Variants in ADGRL3 observed in about 807,000 individuals in gnomAD.
ADGRL3 encodes the protein adhesion G protein-coupled receptor L3.
A neutral mutation model predicts 153.5 loss-of-function variants in ADGRL3; 62 were observed. The observed-to-expected ratio is 0.40, with a 90% confidence interval of 0.33 to 0.50. ADGRL3 has a LOEUF of 0.50. Ranked by LOEUF, ADGRL3 falls within the 20% of genes least tolerant of loss-of-function variation. The probability of loss-of-function intolerance (pLI) is 0.47; values close to 1 mark genes in which losing one functional copy is unlikely to be tolerated. For missense variants in ADGRL3, 1,641 were observed against 1,859.4 expected, an observed-to-expected ratio of 0.88 and a Z score of 2.16; for synonymous variants, 710 against 672.5, an observed-to-expected ratio of 1.06 and a Z score of -0.86.
chr4:61,337,794 A>G (rs1476618524), intron 1 of ADGRL3, among the ~76,000 whole-genome samples: 1 of 152,096 alleles, frequency 6.6e-6, no homozygotes, highest in African/African-American at 2.4e-5. Flanking sequence ...AGGCACATGA[A>G]TCTATTTATA....
intron 5 of ADGRL3, among the ~76,000 whole-genome samples, chr4:61,590,659 AT>A (rs922563610): frequency 1.4e-4 from 21 of 152,124 alleles, no homozygotes; most frequent in Non-Finnish European, 4.4e-5. Flanking sequence ...CAACTATACC[AT>A]TTGCTCAACA....
At chr4:61,559,306 A>G (rs954352632) in intron 4 of ADGRL3, among the ~76,000 whole-genome samples, 1 of 152,138 alleles carries the variant, frequency 6.6e-6, no homozygotes, top group African/African-American at 2.4e-5. Flanking sequence ...TTGTAGAGAA[A>G]TAACTCAGTG....
intron 19 of ADGRL3, among the ~76,000 whole-genome samples, chr4:61,986,898 T>G (rs982063523): frequency 6.6e-6 from 1 of 152,102 alleles, no homozygotes; most frequent in East Asian, 1.9e-4. Context: ...GAAGCAGATA[T>G]TGAAAAGAGA....
At chr4:61,338,044 C>T (rs1205244777) in intron 1 of ADGRL3, among the ~76,000 whole-genome samples, 3 of 152,056 alleles carry the variant, frequency 2.0e-5, no homozygotes, top group African/African-American at 4.8e-5. Flanking sequence ...GCAGACGGAT[C>T]ACTTCAGGCC....
In ADGRL3 at chr4:61,610,483, T is replaced by G. The variant is rs1393650743; in HGVS notation, c.473+23043T>G. On this transcript the variant is annotated intron_variant, in intron 5 of 26. Transcript: ENST00000683033. Reference sequence around the variant, plus strand: ...ATGAACAGAGGAAAAATATTTCCAATCTTTCTTGGTGAAATACAACTTAAC... The same window carrying G: ...ATGAACAGAGGAAAAATATTTCCAAGCTTTCTTGGTGAAATACAACTTAAC... Among the ~76,000 whole-genome samples the G allele has an allele frequency of 1.3e-5, 2 of 152,164 alleles. 1 individual carries two copies. The highest frequency in any genetic ancestry group is 4.8e-5 in the African/African-American group (2 of 41,438).
chr4:61,312,873 T>C (rs528076313), intron 1 of ADGRL3, among the ~76,000 whole-genome samples: 1 of 152,162 alleles, frequency 6.6e-6, no homozygotes, highest in Non-Finnish European at 1.5e-5. Context: ...CTCCTTGATA[T>C]TTACCCAAAT....
At chr4:61,206,674 A>G (rs1327154592) in intron 1 of ADGRL3, among the ~76,000 whole-genome samples, 2 of 152,108 alleles carry the variant, frequency 1.3e-5, no homozygotes, top group Non-Finnish European at 2.9e-5. Context: ...ACAGTTACAG[A>G]TATCATAATC....
intron 5 of ADGRL3, among the ~76,000 whole-genome samples, chr4:61,637,051 A>G (rs987378519): frequency 3.9e-5 from 6 of 152,156 alleles, no homozygotes; most frequent in East Asian, 3.9e-4. Flanking sequence ...ACATATAACA[A>G]TATTATGAGC....
At chr4:61,342,624 C>T (rs1250133888) in intron 1 of ADGRL3, among the ~76,000 whole-genome samples, 2 of 152,098 alleles carry the variant, frequency 1.3e-5, no homozygotes, top group African/African-American at 4.8e-5. Flanking sequence ...TGCCATCTGG[C>T]TCTCCAACCT....
chr4:62,032,904 G>A (rs1722904186), intron 23 of ADGRL3, among the ~76,000 whole-genome samples: 1 of 151,686 alleles, frequency 6.6e-6, no homozygotes, highest in African/African-American at 2.4e-5. Flanking sequence ...CATTAGAATG[G>A]ATGCATTCTA....
chr4:61,564,152 A>T (rs897148486), intron 4 of ADGRL3, among the ~76,000 whole-genome samples: 4 of 152,140 alleles, frequency 2.6e-5, no homozygotes, highest in Non-Finnish European at 5.9e-5. Flanking sequence ...CTTTGGCTTA[A>T]GGGAATATTA....
intron 2 of ADGRL3, among the ~76,000 whole-genome samples, chr4:61,468,494 A>G (rs1233116404): frequency 2.6e-5 from 4 of 152,162 alleles, no homozygotes; most frequent in Non-Finnish European, 2.9e-5. Context: ...AGTGTGTAAT[A>G]TACAGGATGA....
At chr4:61,600,426 G>A (rs2099006700) in intron 5 of ADGRL3, among the ~76,000 whole-genome samples, 1 of 151,824 alleles carries the variant, frequency 6.6e-6, no homozygotes, top group Non-Finnish European at 1.5e-5. Context: ...TAGGAAGTTA[G>A]GTGTTCAGCA....
At chr4:61,375,836 A>G (rs1339168378) in intron 1 of ADGRL3, among the ~76,000 whole-genome samples, 3 of 152,168 alleles carry the variant, frequency 2.0e-5, no homozygotes, top group Non-Finnish European at 4.4e-5. Context: ...AATAGCAATC[A>G]GTGTCACTTA....
intron 1 of ADGRL3, among the ~76,000 whole-genome samples, chr4:61,356,340 A>T (rs1241002815): frequency 1.3e-5 from 2 of 152,060 alleles, no homozygotes; most frequent in Admixed American, 6.5e-5. Context: ...ACTTAAGGCT[A>T]CATCAAATGC....
chr4:61,723,962 C>T (rs1266017477), intron 6 of ADGRL3, among the ~76,000 whole-genome samples: 1 of 152,170 alleles, frequency 6.6e-6, no homozygotes, highest in East Asian at 1.9e-4. Flanking sequence ...CAGATTGACT[C>T]TTCACAGAGT....
chr4:61,408,000 C>G (rs769167850), intron 2 of ADGRL3, among the ~76,000 whole-genome samples: 50 of 152,094 alleles, frequency 3.3e-4, no homozygotes, highest in Non-Finnish European at 4.6e-4. Flanking sequence ...ATGTTAGTAA[C>G]TCTATATTAC....
At chr4:61,513,926 G>T (rs563569978) in intron 3 of ADGRL3, among the ~76,000 whole-genome samples, 3 of 152,110 alleles carry the variant, frequency 2.0e-5, no homozygotes, top group Non-Finnish European at 4.4e-5. Flanking sequence ...TGAAACTGTG[G>T]CCTCTAATGG....
chr4:61,996,467 C>A, intron 20 of ADGRL3, 110 bp downstream of exon 20: 1 of 733,548 alleles, frequency 1.4e-6, no homozygotes, highest in Non-Finnish European at 2.4e-6. Context: ...AAAGCATGTA[C>A]TTATTTGACC....
Sources: gnomAD v4.1 joint callset for allele counts (sites outside exome capture counted in the v4.1 genomes callset) on GRCh38, gnomAD v4.1.1 for gene constraint, MANE v1.5 for transcripts, NCBI Gene and HGNC (gene_info 2026-07-23, HGNC 2026-07-21) for gene names.